SCN1A: variants seen among roughly 807,000 people sequenced by gnomAD.
SCN1A encodes the protein sodium voltage-gated channel alpha subunit 1.
SCN1A carries 13 observed loss-of-function variants against 193.7 expected under a neutral mutation model. The ratio of observed to expected loss-of-function variants is 0.07; its 90% CI spans 0.04 to 0.11. The LOEUF is 0.11. SCN1A is among the 10% of genes least tolerant of loss of function. SCN1A has a pLI of 1.00. For synonymous variants in SCN1A, 781 were observed against 843.6 expected (o/e 0.93, Z 1.29); for missense variants, 1,432 against 2,451.1 (o/e 0.58, Z 8.78).
chr2:166,098,242 C>T (rs562107804), intron 2 of SCN1A, among the ~76,000 whole-genome samples: 1 of 152,182 alleles, frequency 6.6e-6, no homozygotes, highest in Admixed American at 6.5e-5. Flanking sequence ...TGTGATTCAT[C>T]ACATAAACAG....
At chr2:166,118,230 C>G (rs575683166) in intron 2 of SCN1A, among the ~76,000 whole-genome samples, 1 of 147,466 alleles carries the variant, frequency 6.8e-6, no homozygotes, top group Admixed American at 6.8e-5. Flanking sequence ...TTTTGCTATT[C>G]CACAGAGATT....
At position 166,044,015 on chromosome 2, in the gene SCN1A, G is replaced by A. The variant is rs1310143941; in HGVS notation, c.1697C>T (p.Pro566Leu). ...AAGGCTTGTTCTGCTATTTCGCCTT[G>A]GTGAAAATAGGGAGCCACGGATGCT... Reference protein sequence around the residue: ...LLSIRGSLFSPRRNSRTSLFS... With the variant: ...LLSIRGSLFSLRRNSRTSLFS... The change falls in exon 14 of 29, where the codon CCA becomes CTA. Residue 566 changes from proline to leucine, a missense_variant. Physicochemically the swap from Pro to Leu is moderately conservative, Grantham distance 98. This residue lies in a region of SCN1A where 316 missense variants were observed against 362.1 expected (regional missense o/e 0.87). Coordinates refer to ENST00000674923, the MANE Select transcript of SCN1A (RefSeq NM_001165963.4). The A allele has an allele frequency of 6.2e-7, 1 of 1,614,048 alleles. No homozygotes were observed.
At chr2:166,112,190 G>A (rs767866072) in intron 2 of SCN1A, among the ~76,000 whole-genome samples, 4 of 152,066 alleles carry the variant, frequency 2.6e-5, no homozygotes, top group Non-Finnish European at 5.9e-5. Context: ...ATCAATCAAC[G>A]TGGCAAACTT....
rs886055042 is a variant in SCN1A, at chr2:165,996,001, G to A, written c.4581+12C>T. ...TTTGTATTTTTCCCCCATATCATTT[G>A]ATACTTCTTACTCCTGGTCGAGGTA... On this transcript the variant is annotated intron_variant, in intron 27 of 28. Transcript: ENST00000674923. 3.2e-6 allele frequency: 5 copies of A among 1,541,608 alleles called. No homozygotes were observed. The highest frequency in any genetic ancestry group is 1.7e-5 in the Admixed American group (1 of 59,592).
upstream of SCN1A, among the ~76,000 whole-genome samples, chr2:166,132,967 C>T (rs1473010629): frequency 6.6e-6 from 1 of 151,720 alleles, no homozygotes; most frequent in South Asian, 2.1e-4. Flanking sequence ...AGATTTGATT[C>T]TGAAGTATTT....
At chr2:166,031,679 C>T (rs970225099) in intron 19 of SCN1A, among the ~76,000 whole-genome samples, 3 of 152,054 alleles carry the variant, frequency 2.0e-5, no homozygotes, top group Non-Finnish European at 4.4e-5. Flanking sequence ...AGAAAACTTA[C>T]TGGAACAGTG....
At chr2:166,078,654 GATGGA>G (rs1359637705) in intron 2 of SCN1A, among the ~76,000 whole-genome samples, 4 of 151,610 alleles carry the variant, frequency 2.6e-5, no homozygotes, top group African/African-American at 9.7e-5. Flanking sequence ...AATATAAATG[GATGGA>G]AAGTTATATC....
intron 2 of SCN1A, among the ~76,000 whole-genome samples, chr2:166,095,458 A>G (rs1687270877): frequency 1.3e-5 from 2 of 152,202 alleles, no homozygotes; most frequent in South Asian, 4.1e-4. Context: ...TTGTCATTGT[A>G]CAAGCCAGTT....
chr2:166,069,283 T>C (rs183932610), intron 4 of SCN1A, among the ~76,000 whole-genome samples: 1 of 152,338 alleles, frequency 6.6e-6, no homozygotes, highest in Admixed American at 6.5e-5. Context: ...TTAAAACATC[T>C]GAGGATCTAA....
At chr2:166,056,611 A>G in intron 5 of SCN1A, 111 bp from the exon 6 acceptor site, 1 of 762,292 alleles carries the variant, frequency 1.3e-6, no homozygotes. Flanking sequence ...TCAGGGATAA[A>G]TGCATTGTGG....
At position 165,988,595 on chromosome 2, in the gene SCN1A, G is replaced by C. The variant is rs760787435; in HGVS notation, c.*2650C>G. The C allele has an allele frequency of 6.6e-6, 1 of 152,130 alleles. No individual in the cohort carries two copies. The highest frequency in any genetic ancestry group is 1.5e-5 in the Non-Finnish European group (1 of 68,072). The allele number at this position is 152,130 out of a possible 1,614,324, so 9.4% of individuals were successfully genotyped here. Reference sequence around the variant, plus strand: ...CCAACCCAGCAAAGAAGGAATTGGAGAAGAAATATTCCTATGTCAATCTTC... The same window carrying C: ...CCAACCCAGCAAAGAAGGAATTGGACAAGAAATATTCCTATGTCAATCTTC... On this transcript the variant is annotated 3_prime_UTR_variant, in exon 29 of 29. Coordinates refer to ENST00000674923, the MANE Select transcript of SCN1A (RefSeq NM_001165963.4).
rs780997796 is a variant in SCN1A at position 166,121,394 on chromosome 2, C to CA, written c.-142+5529dup. Among the ~76,000 whole-genome samples the CA allele has an allele frequency of 1.0e-3, 155 of 151,766 alleles. 2 individuals carry two copies. The highest frequency in any genetic ancestry group is 5.2e-4 in the Non-Finnish European group (35 of 67,892). On this transcript the variant is annotated intron_variant, in intron 2 of 28. Transcript: ENST00000674923. ...TTGTAATACTTTAATTTTTTTTTAC[C>CA]AATTCCCCATGAATTCCTAATTTTA...
At chr2:166,121,150 CAAAG>C (rs1409409107) in intron 2 of SCN1A, among the ~76,000 whole-genome samples, 4 of 147,982 alleles carry the variant, frequency 2.7e-5, no homozygotes, top group Non-Finnish European at 4.5e-5. Flanking sequence ...GAAAGAAAGA[CAAAG>C]AGCCTGAAAG....
chr2:166,009,661 T>C, intron 23 of SCN1A, 58 bp downstream of exon 23: 1 of 1,515,960 alleles, frequency 6.6e-7, no homozygotes, highest in South Asian at 1.3e-5. Flanking sequence ...TTTTTCTAAA[T>C]TTAATTTAGT....
At chr2:166,073,751 G>T (rs1684725524) in intron 3 of SCN1A, 81 bp from the exon 4 acceptor site, 7 of 1,056,928 alleles carry the variant, frequency 6.6e-6, no homozygotes, top group Non-Finnish European at 9.5e-6. Flanking sequence ...TGAAACATGA[G>T]CTAGAGGATT....
intron 24 of SCN1A, among the ~76,000 whole-genome samples, chr2:166,000,315 C>T (rs496571): frequency 0.26 from 39,946 of 151,582 alleles, 5,598 homozygotes; most frequent in Middle Eastern, 0.48. Flanking sequence ...GAAATACAAT[C>T]CTTTTAAGAA....
At position 166,054,815 on chromosome 2, in the gene SCN1A, T is replaced by C. The variant is rs1333535754; in HGVS notation, c.474-49A>G. On this transcript the variant is annotated intron_variant, in intron 6 of 28. Transcript: ENST00000674923. ...TTGATAAAGTAACAGTGTTTTTTCA[T>C]AGCATACCAATTTCTTATCACTCCA... The C allele has an allele frequency of 1.9e-6, 3 of 1,562,750 alleles. No individual in the cohort carries two copies. In the South Asian group the frequency reaches 3.4e-5, roughly 18 times the overall value.
chr2:166,067,526 A>G (rs1045461098), intron 4 of SCN1A, among the ~76,000 whole-genome samples: 2 of 151,774 alleles, frequency 1.3e-5, no homozygotes, highest in Non-Finnish European at 2.9e-5. Flanking sequence ...CCAAACTAAC[A>G]TGGCAATGGG....
Position 165,986,677 on chromosome 2 carries a change from G to T in SCN1A, c.*4568C>A. ...TGATAGTGTGAACACGCAGACATAG[G>T]CACTTCAGTAACACACAGCAAAAAA... On this transcript the variant is annotated 3_prime_UTR_variant, in exon 29 of 29. Transcript: ENST00000674923. 1 of 133,500 alleles carries T rather than the reference G, an allele frequency of 7.5e-6. No individual in the cohort carries two copies. The allele number at this position is 133,500 out of a possible 1,614,324, so 8.3% of individuals were successfully genotyped here.
Sources: allele counts gnomAD v4.1 joint callset (sites outside exome capture counted in the v4.1 genomes callset), GRCh38; gene constraint gnomAD v4.1.1; regional missense constraint gnomAD v4.1.1; transcripts MANE v1.5; gene names NCBI Gene and HGNC (gene_info 2026-07-23, HGNC 2026-07-21).